Variants in RIMKLB observed in about 807,000 individuals in gnomAD.
RIMKLB encodes the protein beta-citrylglutamate synthase B.
In RIMKLB, 7 loss-of-function variants were observed where a neutral mutation model predicts 32.0. The observed-to-expected ratio is 0.22, with a 90% CI of 0.12 to 0.41. RIMKLB has a LOEUF of 0.41. Ranked by LOEUF, RIMKLB falls within the 10% of genes least tolerant of loss-of-function variation. The probability of loss-of-function intolerance (pLI) is 1.00; values close to 1 mark genes in which losing one functional copy is unlikely to be tolerated. For missense variants in RIMKLB, 289 were observed against 498.7 expected, an observed-to-expected ratio of 0.58 and a Z score of 4.00; for synonymous variants, 172 against 185.1, an observed-to-expected ratio of 0.93 and a Z score of 0.57.
chr12:8,781,595 T>C (rs1951050228), downstream of RIMKLB, among the ~76,000 whole-genome samples: 1 of 152,292 alleles, frequency 6.6e-6, no homozygotes, highest in South Asian at 2.1e-4. Flanking sequence ...TCCCTGTCTT[T>C]GTGCCTCTCC....
chr12:8,735,787 A>G (rs976466248), intron 2 of RIMKLB, among the ~76,000 whole-genome samples: 3 of 151,676 alleles, frequency 2.0e-5, no homozygotes, highest in Non-Finnish European at 4.4e-5. Context: ...CTGGAGTGCA[A>G]TGGCGGGATC....
downstream of RIMKLB, chr12:8,777,526 G>T: frequency 8.3e-7 from 1 of 1,199,038 alleles, no homozygotes; most frequent in African/African-American, 1.6e-5. Context: ...TTAATGTTTT[G>T]CATTTTTTAC....
intron 1 of RIMKLB, chr12:8,700,336 A>G (rs1407599525): frequency 1.3e-5 from 2 of 152,104 alleles, no homozygotes. Flanking sequence ...ATTTGTATCC[A>G]CCTAGGATTT....
intron 5 of RIMKLB, among the ~76,000 whole-genome samples, chr12:8,771,341 A>G (rs1950380200): frequency 6.6e-6 from 1 of 152,116 alleles, no homozygotes; most frequent in Admixed American, 6.5e-5. Context: ...GTGAAAGATT[A>G]GAGTCCTGCT....
intron 1 of RIMKLB, among the ~76,000 whole-genome samples, chr12:8,691,396 G>T (rs1294671483): frequency 6.6e-6 from 1 of 151,984 alleles, no homozygotes; most frequent in Non-Finnish European, 1.5e-5. Flanking sequence ...ATCAACTGAG[G>T]TCAGGAGTTC....
downstream of RIMKLB, among the ~76,000 whole-genome samples, chr12:8,781,078 C>T (rs542259164): frequency 2.2e-4 from 34 of 152,312 alleles, no homozygotes; most frequent in Middle Eastern, 3.4e-3. Flanking sequence ...CTGTGGCTCA[C>T]GCCTGTAATC....
rs142159520 is a variant in RIMKLB at position 8,745,800 on chromosome 12, T to G, written c.176-4062T>G. ...ACCTCTGCCTCGTAGGTACAAGTGA[T>G]TCTCCTGCCTCCGCCTCTCAAGTAG... is the stretch of plus-strand genomic sequence containing the variant. On this transcript the variant is annotated intron_variant, in intron 2 of 5. Coordinates refer to ENST00000535829, the MANE Select transcript of RIMKLB (RefSeq NM_001297776.2). Among the ~76,000 whole-genome samples, 67 of 151,104 alleles carry G rather than the reference T, an allele frequency of 4.4e-4. 3 individuals carry two copies. The highest frequency in any genetic ancestry group is 1.6e-3 in the African/African-American group (64 of 40,796).
upstream of RIMKLB, among the ~76,000 whole-genome samples, chr12:8,677,384 T>C (rs1424643447): frequency 6.6e-6 from 1 of 152,224 alleles, no homozygotes; most frequent in Non-Finnish European, 1.5e-5. Context: ...CCACACCCTT[T>C]ATCACACACA....
chr12:8,750,136 G>A (rs1948492619), intron 3 of RIMKLB, 44 bp downstream of exon 3: 3 of 1,232,198 alleles, frequency 2.4e-6, no homozygotes, highest in Non-Finnish European at 2.4e-6. Context: ...ATTAACCACT[G>A]ATAGTTTTAA....
chr12:8,725,214 G>A (rs756845052), intron 2 of RIMKLB, among the ~76,000 whole-genome samples: 2 of 152,288 alleles, frequency 1.3e-5, no homozygotes, highest in Non-Finnish European at 2.9e-5. Context: ...AAAACTCCAT[G>A]TGTAGACTGT....
chr12:8,776,809 G>C lies in RIMKLB; in HGVS notation c.*3025G>C, dbSNP rs750991426. ...GTAGAAAAACCCAACAAGAGACTTG[G>C]CATTCATCAAGCACATTATCAGACT... On this transcript the variant is annotated 3_prime_UTR_variant, in exon 6 of 6. Coordinates refer to ENST00000535829, the MANE Select transcript of RIMKLB (RefSeq NM_001297776.2). The C allele has an allele frequency of 2.0e-6, 2 of 985,568 alleles. No individual in the cohort carries two copies. Among genetic ancestry groups the C allele is most frequent in the East Asian group, 1.1e-4 (1 of 8,814 alleles). 61.1% of individuals were successfully genotyped at this position (985,568 alleles called of 1,614,324 possible). A position where few individuals can be genotyped will look rare whatever the true frequency, so the allele number is the denominator to read the frequency against.
At chr12:8,750,803 C>T (rs1948561658) in intron 3 of RIMKLB, among the ~76,000 whole-genome samples, 1 of 152,160 alleles carries the variant, frequency 6.6e-6, no homozygotes. Context: ...GGACCACATT[C>T]TGAGTAGCAC....
chr12:8,677,927 T>C (rs1299475471), upstream of RIMKLB, among the ~76,000 whole-genome samples: 1 of 144,720 alleles, frequency 6.9e-6, no homozygotes, highest in African/African-American at 2.5e-5. Context: ...TAATTTATTT[T>C]TATTATATTT....
At chr12:8,701,886 T>A (rs1943434119) in intron 1 of RIMKLB, among the ~76,000 whole-genome samples, 1 of 151,290 alleles carries the variant, frequency 6.6e-6, no homozygotes, top group Non-Finnish European at 1.5e-5. Flanking sequence ...GCGTCTGTAA[T>A]CTCAGCTACT....
the RIMKLB span, among the ~76,000 whole-genome samples, chr12:8,672,605 A>AC: frequency 0.11 from 16,847 of 150,910 alleles, 1,165 homozygotes; most frequent in African/African-American, 0.19. Flanking sequence ...GGGAAAGATG[A>AC]CCCCCCCATG....
intron 2 of RIMKLB, among the ~76,000 whole-genome samples, chr12:8,745,673 C>T (rs1381218714): frequency 1.6e-4 from 24 of 150,112 alleles, no homozygotes; most frequent in Admixed American, 3.3e-4. Flanking sequence ...GGATTACAGG[C>T]GTGAGCCACT....
Position 8,741,327 on chromosome 12 carries a change from G to A in RIMKLB, c.176-8535G>A, listed in dbSNP as rs778572985. Among the ~76,000 whole-genome samples the A allele has an allele frequency of 1.3e-3, 194 of 151,366 alleles. 7 individuals carry two copies. The highest frequency in any genetic ancestry group is 4.0e-3 in the African/African-American group (165 of 40,972). On this transcript the variant is annotated intron_variant, in intron 2 of 5. Coordinates refer to ENST00000535829, the MANE Select transcript of RIMKLB (RefSeq NM_001297776.2). ...TGGGAGGCAGAGGTTGCAGTGAGCCGAGATCGCACCACTGCACTCCAGCCT... is the reference window on the plus strand; with the variant it reads ...TGGGAGGCAGAGGTTGCAGTGAGCCAAGATCGCACCACTGCACTCCAGCCT...
intron 1 of RIMKLB, among the ~76,000 whole-genome samples, chr12:8,702,400 T>A (rs1168629591): frequency 6.6e-6 from 1 of 152,268 alleles, no homozygotes; most frequent in Non-Finnish European, 1.5e-5. Context: ...TACTACCTTT[T>A]ATTTCAAAAG....
At chr12:8,772,061 GT>G (rs2138261586) in intron 5 of RIMKLB, among the ~76,000 whole-genome samples, 2 of 152,158 alleles carry the variant, frequency 1.3e-5, no homozygotes, top group East Asian at 3.9e-4. Context: ...GCTAATTTTT[GT>G]ATTTTTAGTA....
Sources: allele counts gnomAD v4.1 joint callset (sites outside exome capture counted in the v4.1 genomes callset), GRCh38; gene constraint gnomAD v4.1.1; transcripts MANE v1.5; gene names NCBI Gene and HGNC (gene_info 2026-07-23, HGNC 2026-07-21).